The following SPON2 variants were observed in gnomAD, a reference collection of about 807,000 sequenced individuals.
SPON2 encodes the protein spondin-2.
SPON2 carries 32 observed loss-of-function variants against 29.9 expected under a neutral mutation model. That is an observed-to-expected ratio of 1.07 (90% CI 0.81 to 1.44). The LOEUF is 1.44. SPON2 is among the 40% of genes most tolerant of loss of function. The pLI is 0.00. For missense variants in SPON2, 541 were observed against 455.5 expected (o/e 1.19, Z -1.71); for synonymous variants, 248 against 209.1 (o/e 1.19, Z -1.61).
rs770541002 is a variant in SPON2 at position 1,171,096 on chromosome 4, G to A, written c.539C>T (p.Ala180Val). 2.6e-6 allele frequency: 4 copies of A among 1,550,250 alleles called. No homozygotes were observed. Among genetic ancestry groups the A allele is most frequent in the Non-Finnish European group, 1.7e-6 (2 of 1,146,840 alleles). Residue 180 changes from alanine (A) to valine (V), a missense_variant, in exon 4 of 6, where the codon GCG (alanine) becomes GTG (valine). Physicochemically the swap from Ala to Val is moderately conservative, Grantham distance 64. Transcript: ENST00000290902. ...LCDGDRWREQAALDLYPYDAG... is the reference protein window; with the variant it reads ...LCDGDRWREQVALDLYPYDAG... ...GTCGTAGGGGTACAGGTCCAGCGCCGCCTGTTCCCGCCAACGGTCCCCGTC... is the reference window on the plus strand; with the variant it reads ...GTCGTAGGGGTACAGGTCCAGCGCCACCTGTTCCCGCCAACGGTCCCCGTC...
At chr4:1,195,366 C>G (rs1236694008), upstream of SPON2, among the ~76,000 whole-genome samples, 1 of 152,156 alleles carries the variant, frequency 6.6e-6, no homozygotes, top group Admixed American at 6.5e-5. Flanking sequence ...CCTGGCCCGT[C>G]GGTGGGCGCA....
chr4:1,170,569 G>A lies in SPON2; in HGVS notation c.644C>T (p.Ser215Phe). 2 of 1,609,874 alleles carry A rather than the reference G, an allele frequency of 1.2e-6. No homozygotes were observed. Among genetic ancestry groups the A allele is most frequent in the Non-Finnish European group, 1.7e-6 (2 of 1,178,896 alleles). Residue 215 changes from serine to phenylalanine, a missense_variant, in exon 5 of 6, where the codon TCC (serine) becomes TTC (phenylalanine). Physicochemically the swap from Ser to Phe is radical, Grantham distance 155. Transcript: ENST00000290902. ...IPQDTVTEIT[S>F]SSPSHPANSF... ...GTTGGCCGGGTGGCTGGGAGAGGAG[G>A]ACGTTATCTGGGGAGGAAGAAGAGG...
chr4:1,173,635 C>T (rs1330929846), upstream of SPON2, among the ~76,000 whole-genome samples: 4 of 152,236 alleles, frequency 2.6e-5, no homozygotes, highest in Non-Finnish European at 5.9e-5. Flanking sequence ...CTCTGCTCAT[C>T]GGAATCACCC....
rs1317211526 is a variant in SPON2, at chr4:1,167,661, A to G, written c.812-5T>C. 8 of 1,595,510 alleles carry G rather than the reference A, an allele frequency of 5.0e-6. No individual in the cohort carries two copies. Among genetic ancestry groups the G allele is most frequent in the African/African-American group, 1.3e-5 (1 of 74,476 alleles). On this transcript the variant is annotated splice_polypyrimidine_tract_variant and splice_region_variant and intron_variant, in intron 5 of 5. Coordinates refer to ENST00000290902, the MANE Select transcript of SPON2 (RefSeq NM_012445.4). ...AGTCCAGCGGCGTTTCTGGAACTGGACCAAGCAAAGGGGAGACCGAGGTGA... is the reference window on the plus strand; with the variant it reads ...AGTCCAGCGGCGTTTCTGGAACTGGGCCAAGCAAAGGGGAGACCGAGGTGA...
chr4:1,203,066 G>A (rs1020316902), intron 1 of SPON2, among the ~76,000 whole-genome samples: 4 of 152,152 alleles, frequency 2.6e-5, no homozygotes, highest in African/African-American at 7.2e-5. Context: ...TTTTTCCTCC[G>A]AATTCTGCCA....
chr4:1,175,114 T>G (rs1727566763), upstream of SPON2, among the ~76,000 whole-genome samples: 1 of 152,242 alleles, frequency 6.6e-6, no homozygotes, highest in African/African-American at 2.4e-5. Flanking sequence ...GCGGCTGTAC[T>G]GCAGCTACTC....
Position 1,182,477 on chromosome 4 carries a change from C to A in SPON2, c.-238-2936G>T, listed in dbSNP as rs75254101. 3.6e-3 allele frequency among the ~76,000 whole-genome samples: 547 copies of A among 152,104 alleles called. 8 individuals are homozygous for A. The highest frequency in any genetic ancestry group is 2.6e-3 in the Non-Finnish European group (180 of 68,004). ...AAAATTCACTAGAGGGATTAAAAAG[C>A]AGATTTGAGCAGGCAGAAGAAAGAA... On this transcript the variant is annotated intron_variant, in intron 1 of 3. Transcript: ENST00000502483.
At chr4:1,193,105 G>A (rs1286145112) in intron 1 of SPON2, among the ~76,000 whole-genome samples, 1 of 152,204 alleles carries the variant, frequency 6.6e-6, no homozygotes, top group African/African-American at 2.4e-5. Flanking sequence ...GCTGCACCAT[G>A]CCAGATACAC....
chr4:1,204,672 C>T (rs915003853), intron 1 of SPON2, among the ~76,000 whole-genome samples: 1 of 152,168 alleles, frequency 6.6e-6, no homozygotes, highest in Admixed American at 6.5e-5. Context: ...AATCAATCTA[C>T]CTGATTCCAG....
chr4:1,203,150 C>T (rs1728254706), intron 1 of SPON2, among the ~76,000 whole-genome samples: 1 of 152,218 alleles, frequency 6.6e-6, no homozygotes, highest in Non-Finnish European at 1.5e-5. Flanking sequence ...TTGGACTCCC[C>T]AGCTTGAGAA....
At chr4:1,191,021 T>C (rs1405020983) in intron 1 of SPON2, among the ~76,000 whole-genome samples, 1 of 151,964 alleles carries the variant, frequency 6.6e-6, no homozygotes, top group Non-Finnish European at 1.5e-5. Context: ...ACAGCAATAG[T>C]CCCCATATTG....
upstream of SPON2, among the ~76,000 whole-genome samples, chr4:1,195,418 C>T (rs1386743585): frequency 2.0e-5 from 3 of 152,080 alleles, no homozygotes; most frequent in Non-Finnish European, 4.4e-5. Context: ...AGGGGTCCCT[C>T]ACAGGCCGGC....
Position 1,171,292 on chromosome 4 carries a change from C to G in SPON2, c.415G>C (p.Glu139Gln). The G allele has an allele frequency of 6.3e-7, 1 of 1,578,336 alleles. No individual in the cohort carries two copies. Among genetic ancestry groups the G allele is most frequent in the Non-Finnish European group, 8.6e-7 (1 of 1,168,414 alleles). Residue 139 changes from glutamate to glutamine, a missense_variant, in exon 3 of 6, where the codon GAG becomes CAG. Glu to Gln is a conservative substitution (Grantham distance 29, BLOSUM62 2). Coordinates refer to ENST00000290902, the MANE Select transcript of SPON2 (RefSeq NM_012445.4). ...VPSGTGQTSA[E>Q]LEVQRRHSLV... ...GAGTGCCTGCGCTGCACCTCCAGCT[C>G]CGCCGACGTCTGCCCGGTGCCGCTG...
intron 1 of SPON2, among the ~76,000 whole-genome samples, chr4:1,186,193 G>A (rs1315415808): frequency 6.7e-6 from 1 of 149,166 alleles, no homozygotes; most frequent in East Asian, 2.0e-4. Context: ...GCAGTGAGCT[G>A]AGATCGGGCC....
intron 1 of SPON2, among the ~76,000 whole-genome samples, chr4:1,189,989 CAAA>C (rs34537590): frequency 0.035 from 3,309 of 93,862 alleles, 96 homozygotes; most frequent in African/African-American, 0.12. Context: ...GACTCCATCT[CAAA>C]AAAAAAAAAA....
chr4:1,175,623 G>A (rs1042156750), upstream of SPON2, among the ~76,000 whole-genome samples: 3 of 151,582 alleles, frequency 2.0e-5, no homozygotes, highest in African/African-American at 7.3e-5. Context: ...CTGGGTGGGG[G>A]TTCTCCAGCT....
At chr4:1,176,619 C>T (rs1727604681), upstream of SPON2, among the ~76,000 whole-genome samples, 1 of 151,306 alleles carries the variant, frequency 6.6e-6, no homozygotes, top group Admixed American at 6.6e-5. Flanking sequence ...ACAGTACATT[C>T]ATGCAGTCAT....
chr4:1,183,178 G>A (rs1374100376), intron 1 of SPON2, among the ~76,000 whole-genome samples: 1 of 147,142 alleles, frequency 6.8e-6, no homozygotes, highest in African/African-American at 2.5e-5. Flanking sequence ...GGAGGTGGAG[G>A]TTGCAGTCAG....
intron 1 of SPON2, among the ~76,000 whole-genome samples, chr4:1,187,730 A>G: frequency 6.6e-6 from 1 of 152,170 alleles, no homozygotes; most frequent in East Asian, 1.9e-4. Context: ...CCTCTGTGCT[A>G]TCACTGTCAT....
Sources: gnomAD v4.1 joint callset for allele counts (sites outside exome capture counted in the v4.1 genomes callset) on GRCh38, gnomAD v4.1.1 for gene constraint, MANE v1.5 for transcripts, NCBI Gene and HGNC (gene_info 2026-07-23, HGNC 2026-07-21) for gene names.